CFAP70: variants seen among roughly 807,000 people sequenced by gnomAD.
CFAP70 encodes cilia and flagella associated protein 70, also known as cilia- and flagella-associated protein 70.
A neutral mutation model predicts 137.6 loss-of-function variants in CFAP70; 81 were observed. That is an observed-to-expected ratio of 0.59 (90% CI 0.49 to 0.71). The LOEUF is 0.71. Ranked by LOEUF, CFAP70 falls within the 30% of genes least tolerant of loss-of-function variation. CFAP70 has a pLI of 0.00. For missense variants in CFAP70, 976 were observed against 1,226.7 expected, an observed-to-expected ratio of 0.80 and a Z score of 3.05; for synonymous variants, 382 against 423.6, an observed-to-expected ratio of 0.90 and a Z score of 1.20.
chr10:73,328,775 T>C (rs1188955091), intron 8 of CFAP70, among the ~76,000 whole-genome samples: 11,464 of 144,516 alleles, frequency 0.079, 728 homozygotes, highest in East Asian at 0.26. Flanking sequence ...AAATGCAAAC[T>C]AAAACCACAA....
chr10:73,312,608 G>A, exon 10 of CFAP70: 1 of 1,601,272 alleles, frequency 6.2e-7, no homozygotes, highest in Non-Finnish European at 8.5e-7. Context: ...TCAAGTGATG[G>A]CCAATATCCC....
intron 26 of CFAP70, among the ~76,000 whole-genome samples, chr10:73,255,257 G>C (rs1005098947): frequency 3.3e-5 from 5 of 152,264 alleles, no homozygotes; most frequent in South Asian, 2.1e-4. Context: ...TTAGCTGGGG[G>C]CAGTGGCGGG....
intron 12 of CFAP70, among the ~76,000 whole-genome samples, chr10:73,307,153 G>T (rs2049449329): frequency 6.6e-6 from 1 of 152,082 alleles, no homozygotes; most frequent in Admixed American, 6.5e-5. Flanking sequence ...AGCTGTTACA[G>T]GTTTAAGGTG....
intron 9 of CFAP70, among the ~76,000 whole-genome samples, chr10:73,312,986 A>G (rs12572144): frequency 6.6e-6 from 1 of 151,878 alleles, no homozygotes; most frequent in Admixed American, 6.6e-5. Flanking sequence ...GTAATCCCAG[A>G]ACTTTGGCAG....
chr10:73,337,167 C>T lies in CFAP70; in HGVS notation c.583-1643G>A, dbSNP rs545233669. ...TGTGCATATATATATGATTAAACAC[C>T]TTATACACTCAGTTTTAAAAAATGA... On this transcript the variant is annotated intron_variant, in intron 6 of 26. Coordinates refer to ENST00000310715, the Ensembl canonical transcript of CFAP70. Among the ~76,000 whole-genome samples the T allele has an allele frequency of 8.3e-4, 127 of 152,172 alleles. 1 individual carries two copies. The Middle Eastern group carries it at 0.017, about 20-fold the overall frequency.
chr10:73,351,069 GTGTA>G (rs1249589333), intron 3 of CFAP70, among the ~76,000 whole-genome samples: 1,546 of 50,396 alleles, frequency 0.031, 14 homozygotes, highest in African/African-American at 0.04. Context: ...GTGTGTGTGT[GTGTA>G]TATATATATA....
At chr10:73,357,567 C>G (rs1384275218) in intron 1 of CFAP70, among the ~76,000 whole-genome samples, 2 of 152,278 alleles carry the variant, frequency 1.3e-5, no homozygotes, top group Middle Eastern at 3.4e-3. Context: ...GATCGTATCA[C>G]TGTCTTGTTC....
intron 7 of CFAP70, among the ~76,000 whole-genome samples, chr10:73,333,657 T>C (rs2132324976): frequency 6.6e-6 from 1 of 152,238 alleles, no homozygotes; most frequent in Admixed American, 6.5e-5. Context: ...CCTAATAAAA[T>C]TATCCTTCAA....
chr10:73,291,770 C>T lies in CFAP70; in HGVS notation c.1905-15G>A. The T allele has an allele frequency of 1.2e-6, 2 of 1,613,986 alleles. No homozygotes were observed. The highest frequency in any genetic ancestry group is 8.5e-7 in the Non-Finnish European group (1 of 1,179,866). On this transcript the variant is annotated splice_polypyrimidine_tract_variant and intron_variant, in intron 17 of 26. Coordinates refer to ENST00000310715, the Ensembl canonical transcript of CFAP70. The stretch of plus-strand genomic sequence containing the variant: ...ACAGCAACAAGCTGAGAAAAGATCA[C>T]CAACATGATTAACAACACGGTCCCA...
chr10:73,347,074 G>A (rs548050164), intron 4 of CFAP70: 3 of 152,152 alleles, frequency 2.0e-5, no homozygotes, highest in Non-Finnish European at 4.4e-5. Context: ...TATGTAAAGA[G>A]GGATTGGAAC....
At chr10:73,265,127 C>A (rs554294816) in intron 25 of CFAP70, among the ~76,000 whole-genome samples, 3 of 152,240 alleles carry the variant, frequency 2.0e-5, no homozygotes, top group African/African-American at 7.2e-5. Flanking sequence ...AGATCGAGAC[C>A]ATCCTGGCTA....
At chr10:73,322,901 G>C (rs190782241) in intron 9 of CFAP70, 62 bp downstream of exon 10, 152 of 1,427,520 alleles carry the variant, frequency 1.1e-4, no homozygotes, top group Non-Finnish European at 1.3e-4. Flanking sequence ...TGCTAAAGAT[G>C]TAAGTAAACA....
intron 9 of CFAP70, among the ~76,000 whole-genome samples, chr10:73,317,614 T>C (rs1203380540): frequency 6.6e-6 from 1 of 152,176 alleles, no homozygotes; most frequent in Non-Finnish European, 1.5e-5. Context: ...CTTCATCAAA[T>C]GTGGGATATT....
At chr10:73,361,864 C>G (rs1004162879), upstream of CFAP70, among the ~76,000 whole-genome samples, 8 of 147,924 alleles carry the variant, frequency 5.4e-5, no homozygotes, top group Non-Finnish European at 1.2e-4. Context: ...TTTTTTTTTT[C>G]TTTCAGAAAT....
chr10:73,308,571 T>G (rs1391428082), intron 12 of CFAP70, among the ~76,000 whole-genome samples: 1 of 146,956 alleles, frequency 6.8e-6, no homozygotes, highest in Admixed American at 7.0e-5. Context: ...GAGGTTGCCA[T>G]GAGCTGAGAT....
intron 9 of CFAP70, among the ~76,000 whole-genome samples, chr10:73,315,216 C>CAAA (rs58468801): frequency 9.4e-5 from 6 of 64,018 alleles, no homozygotes; most frequent in Admixed American, 1.7e-4. Flanking sequence ...GACCCCATCT[C>CAAA]AAAAAAAAAA....
chr10:73,335,304 G>C, intron 7 of CFAP70, 126 bp downstream of exon 8: 1 of 596,110 alleles, frequency 1.7e-6, no homozygotes, highest in Non-Finnish European at 3.0e-6. Context: ...ATATAGATGT[G>C]ATAAATGAGA....
intron 1 of CFAP70, among the ~76,000 whole-genome samples, chr10:73,355,549 G>A (rs1441698406): frequency 1.3e-5 from 2 of 152,122 alleles, no homozygotes; most frequent in Non-Finnish European, 2.9e-5. Flanking sequence ...AAGGCGAGGC[G>A]GGCGGATCAC....
At chr10:73,310,015 C>A in intron 12 of CFAP70, 143 bp downstream of exon 13, 1 of 518,532 alleles carries the variant, frequency 1.9e-6, no homozygotes, top group Non-Finnish European at 3.4e-6. Flanking sequence ...ACAAAAATAA[C>A]AACAACAACA....
Sources: allele counts gnomAD v4.1 joint callset (sites outside exome capture counted in the v4.1 genomes callset), GRCh38; gene constraint gnomAD v4.1.1; transcripts MANE v1.5; gene names NCBI Gene and HGNC (gene_info 2026-07-23, HGNC 2026-07-21).